Variants in MSMO1 observed in about 807,000 individuals in gnomAD.
MSMO1 encodes C-4 methylsterol oxidase.
Under a neutral mutation model 30.4 loss-of-function variants are expected in MSMO1, and 18 were observed. The observed-to-expected ratio is 0.59, with a 90% CI of 0.41 to 0.88. MSMO1 has a LOEUF of 0.88. Ranked by LOEUF, MSMO1 falls within the 40% of genes least tolerant of loss-of-function variation. MSMO1 has a pLI of 0.00. For missense variants in MSMO1, 284 were observed against 340.5 expected, an observed-to-expected ratio of 0.83 and a Z score of 1.31; for synonymous variants, 84 against 107.9, an observed-to-expected ratio of 0.78 and a Z score of 1.37.
At chr4:165,336,235 T>TAA (rs3043074) in intron 2 of MSMO1, among the ~76,000 whole-genome samples, 43,042 of 146,664 alleles carry the variant, frequency 0.29, 6,931 homozygotes, top group Admixed American at 0.44. Context: ...TCTATTTCTT[T>TAA]AAAAAAAAAA....
At chr4:165,335,436 C>T (rs942749385) in intron 2 of MSMO1, among the ~76,000 whole-genome samples, 1 of 152,106 alleles carries the variant, frequency 6.6e-6, no homozygotes, top group Non-Finnish European at 1.5e-5. Context: ...ACAGAAGCTC[C>T]AAAGTGCTTT....
At chr4:165,334,371 A>G (rs183279151) in intron 2 of MSMO1, among the ~76,000 whole-genome samples, 1 of 152,324 alleles carries the variant, frequency 6.6e-6, no homozygotes, top group East Asian at 1.9e-4. Flanking sequence ...AAGTTTATGA[A>G]TTTTAATGTT....
In MSMO1 at chr4:165,333,753, T is replaced by C. The variant is rs1747465388; in HGVS notation, c.255+128T>C. The C allele has an allele frequency of 2.8e-6, 3 of 1,064,012 alleles. No homozygotes were observed. In the South Asian group the frequency reaches 6.3e-5, roughly 22 times the overall value. The allele number at this position is 1,064,012 out of a possible 1,614,324, so 65.9% of individuals were successfully genotyped here. A position where few individuals can be genotyped will look rare whatever the true frequency, so the allele number is the denominator to read the frequency against. On this transcript the variant is annotated intron_variant, in intron 2 of 5. Transcript: ENST00000261507. ...TAGAAATATGAAGCCACGTATGTAA[T>C]TTTAAATTTTCTAGTAGAATACATA...
rs1259816862 is a variant in MSMO1, at chr4:165,337,818, G to A, written c.285G>A (p.Trp95Ter). The A allele has an allele frequency of 6.2e-7, 1 of 1,613,574 alleles. No homozygotes were observed. The highest frequency in any genetic ancestry group is 1.3e-5 in the African/African-American group (1 of 74,904). The change falls in exon 3 of 6, where the codon TGG becomes TGA. Residue 95 changes from tryptophan to a stop codon, truncating the protein, a stop_gained. Transcript: ENST00000261507. LOFTEE classifies it high-confidence loss of function. Reference sequence around the variant, plus strand: ...AGCCAGAGACATGGGAAAACCAATGGAAGTGTTTCAAAGTTCTTCTCTTTA... The same window carrying A: ...AGCCAGAGACATGGGAAAACCAATGAAAGTGTTTCAAAGTTCTTCTCTTTA... ...KDKPETWENQ[W>*]KCFKVLLFNH...
chr4:165,330,524 G>A lies in MSMO1; in HGVS notation c.-32+2760G>A, dbSNP rs575912413. Among the ~76,000 whole-genome samples, 94 of 152,202 alleles carry A rather than the reference G, an allele frequency of 6.2e-4. 1 individual carries two copies. The highest frequency in any genetic ancestry group is 1.2e-3 in the Non-Finnish European group (80 of 68,024). On this transcript the variant is annotated intron_variant, in intron 1 of 5. Transcript: ENST00000261507. ...GTTACCTAATTTGCCCAAGGTCACA[G>A]GACAGGACTAGTAAGTGGTCTTGGT... is the stretch of plus-strand genomic sequence containing the variant.
At chr4:165,336,105 G>A (rs999107361) in intron 2 of MSMO1, among the ~76,000 whole-genome samples, 1 of 152,092 alleles carries the variant, frequency 6.6e-6, no homozygotes, top group African/African-American at 2.4e-5. Flanking sequence ...TGGTGGTGAT[G>A]AAATAGTACT....
intron 2 of MSMO1, 38 bp downstream of exon 2, chr4:165,333,663 A>G: frequency 6.6e-7 from 1 of 1,520,926 alleles, no homozygotes; most frequent in Non-Finnish European, 8.9e-7. Context: ...ATTATCATTA[A>G]TGTTGCTGAA....
rs899102674 is a variant in MSMO1, at chr4:165,342,132, T to C, written c.*186T>C. ...CTACTTTACCTACAAGTTCTATATATGTAGAAATGAATAAATATATATTTA... is the reference window on the plus strand; with the variant it reads ...CTACTTTACCTACAAGTTCTATATACGTAGAAATGAATAAATATATATTTA... On this transcript the variant is annotated 3_prime_UTR_variant, in exon 6 of 6. Coordinates refer to ENST00000261507, the MANE Select transcript of MSMO1 (RefSeq NM_006745.5). 15 of 541,170 alleles carry C rather than the reference T, an allele frequency of 2.8e-5. No homozygotes were observed. The highest frequency in any genetic ancestry group is 1.6e-4 in the Admixed American group (5 of 30,532). The allele number at this position is 541,170 out of a possible 1,614,324, so 33.5% of individuals were successfully genotyped here. A position where few individuals can be genotyped will look rare whatever the true frequency, so the allele number is the denominator to read the frequency against.
chr4:165,338,855 T>C (rs1220198893), intron 4 of MSMO1, 77 bp downstream of exon 4: 13 of 1,253,410 alleles, frequency 1.0e-5, no homozygotes, highest in Admixed American at 2.3e-5. Context: ...TTTTCTAAAA[T>C]TGTTGGTGAC....
chr4:165,331,167 G>T (rs939718938), intron 1 of MSMO1, among the ~76,000 whole-genome samples: 2 of 151,992 alleles, frequency 1.3e-5, no homozygotes, highest in Admixed American at 1.3e-4. Context: ...TTAGCCAGGC[G>T]TGGTGGCATG....
At position 165,333,586 on chromosome 4, in the gene MSMO1, T is replaced by G; in HGVS notation, c.216T>G (p.Phe72Leu). 1 of 1,604,156 alleles carries G rather than the reference T, an allele frequency of 6.2e-7. No homozygotes were observed. The highest frequency in any genetic ancestry group is 8.5e-7 in the Non-Finnish European group (1 of 1,175,466). Residue 72 changes from phenylalanine (F) to leucine (L), a missense_variant, in exon 2 of 6, where the codon TTT becomes TTG. Transcript: ENST00000261507. ...TATTCTGTTTACCTGGATTTTTATT[T>G]CAATTTATACCTTATATGAAAAAAT... is the stretch of plus-strand genomic sequence containing the variant. Reference protein sequence around the residue: ...YFLFCLPGFLFQFIPYMKKYK... With the variant: ...YFLFCLPGFLLQFIPYMKKYK...
chr4:165,333,461 G>C lies in MSMO1; in HGVS notation c.91G>C (p.Glu31Gln), dbSNP rs554352476. 6.2e-7 allele frequency: 1 copy of C among 1,613,174 alleles called. No individual in the cohort carries two copies. The highest frequency in any genetic ancestry group is 2.2e-5 in the East Asian group (1 of 44,786). The change falls in exon 2 of 6, where the codon GAA becomes CAA. Residue 31 changes from glutamate (E) to glutamine (Q), a missense_variant. Glu to Gln is a conservative substitution (Grantham distance 29, BLOSUM62 2). Transcript: ENST00000261507. ...DSLLPENPLQ[E>Q]PFKNAWNYML... ...ACTTTTACCTGAGAATCCTCTGCAA[G>C]AACCATTTAAAAATGCTTGGAACTA... is the stretch of plus-strand genomic sequence containing the variant.
rs869192459 is a variant in MSMO1, at chr4:165,339,096, C to CTTTTTTTTTTTTTTTTT, written c.531+327_531+343dup. Among the ~76,000 whole-genome samples the CTTTTTTTTTTTTTTTTT allele has an allele frequency of 2.5e-4, 15 of 60,522 alleles. 4 individuals are homozygous for CTTTTTTTTTTTTTTTTT. The East Asian group carries it at 2.6e-3, about 11-fold the overall frequency. The allele number at this position is 60,522 out of a possible 152,430, so 39.7% of individuals were successfully genotyped here. ...AAAACAGTAACTTCTATGAGCACTG[C>CTTTTTTTTTTTTTTTTT]TTTTTTTTTTTTTTTTTTTTTTTTT... On this transcript the variant is annotated intron_variant, in intron 4 of 5. Coordinates refer to ENST00000261507, the MANE Select transcript of MSMO1 (RefSeq NM_006745.5).
rs1357835188 is a variant in MSMO1, at chr4:165,333,505, A to C, written c.135A>C (p.Thr45=). The change falls in exon 2 of 6, where the codon ACA becomes ACC. Residue 45 remains threonine, a synonymous_variant. Transcript: ENST00000261507. ...GGAACTATATGTTGAATAATTATACAAAGTTCCAGATTGCAACATGGGGAT... is the reference window on the plus strand; with the variant it reads ...GGAACTATATGTTGAATAATTATACCAAGTTCCAGATTGCAACATGGGGAT... ...NAWNYMLNNY[T]KFQIATWGSL... 2 of 1,613,532 alleles carry C rather than the reference A, an allele frequency of 1.2e-6. No homozygotes were observed. The highest frequency in any genetic ancestry group is 1.7e-6 in the Non-Finnish European group (2 of 1,179,798).
At position 165,334,502 on chromosome 4, in the gene MSMO1, A is replaced by C. The variant is rs192947450; in HGVS notation, c.255+877A>C. ...CTACGACCTTGATCAGGGCTATTCA[A>C]GTTTTTTTTCCCTAAATATATGGTA... On this transcript the variant is annotated intron_variant, in intron 2 of 5. Transcript: ENST00000261507. Among the ~76,000 whole-genome samples the C allele has an allele frequency of 5.3e-5, 8 of 152,290 alleles. 1 individual carries two copies. The East Asian group carries it at 5.8e-4, about 11-fold the overall frequency.
At chr4:165,336,621 A>C (rs72701625) in intron 2 of MSMO1, among the ~76,000 whole-genome samples, 63 of 152,184 alleles carry the variant, frequency 4.1e-4, no homozygotes, top group Non-Finnish European at 6.0e-4. Flanking sequence ...TTTGTCCCCA[A>C]TTACAGAGTG....
intron 2 of MSMO1, among the ~76,000 whole-genome samples, chr4:165,336,496 T>C (rs972948640): frequency 6.6e-6 from 1 of 152,238 alleles, no homozygotes; most frequent in Non-Finnish European, 1.5e-5. Context: ...TGATTAACTT[T>C]GTAATTTCTG....
chr4:165,336,769 T>G (rs1315616492), intron 2 of MSMO1, among the ~76,000 whole-genome samples: 1 of 152,234 alleles, frequency 6.6e-6, no homozygotes, highest in Admixed American at 6.5e-5. Flanking sequence ...GCAGCCCTGG[T>G]ATTAGAGCAC....
chr4:165,333,253 T>A, intron 1 of MSMO1, 87 bp from the exon 2 acceptor site: 1 of 1,108,476 alleles, frequency 9.0e-7, no homozygotes, highest in African/African-American at 1.6e-5. Context: ...TTATCATTTT[T>A]AAAATGATCA....
Sources: allele counts gnomAD v4.1 joint callset (sites outside exome capture counted in the v4.1 genomes callset), GRCh38; gene constraint gnomAD v4.1.1; transcripts MANE v1.5; gene names NCBI Gene and HGNC (gene_info 2026-07-23, HGNC 2026-07-21).